Variants in WDFY3 observed in about 807,000 individuals in gnomAD.
WDFY3 encodes the protein WD repeat and FYVE domain-containing protein 3.
A neutral mutation model predicts 409.6 loss-of-function variants in WDFY3; 66 were observed. The ratio of observed to expected loss-of-function variants is 0.16; its 90% CI spans 0.13 to 0.20. The LOEUF (loss-of-function observed/expected upper bound fraction) is 0.20. Ranked by LOEUF, WDFY3 falls within the 10% of genes least tolerant of loss-of-function variation. The pLI is 1.00. For missense variants in WDFY3, 3,031 were observed against 4,298.1 expected, an observed-to-expected ratio of 0.71 and a Z score of 8.24; for synonymous variants, 1,521 against 1,537.1, an observed-to-expected ratio of 0.99 and a Z score of 0.25.
chr4:84,880,209 AG>A (rs1763303682), intron 3 of WDFY3, among the ~76,000 whole-genome samples: 1 of 152,160 alleles, frequency 6.6e-6, no homozygotes, highest in South Asian at 2.1e-4. Flanking sequence ...GAAAAAGGCA[AG>A]GAACAGATTC....
intron 2 of WDFY3, among the ~76,000 whole-genome samples, chr4:84,921,843 G>C (rs760447052): frequency 2.5e-4 from 38 of 151,262 alleles, no homozygotes; most frequent in South Asian, 4.2e-4. Context: ...TTTTAGCAGA[G>C]ACAAGGTTTC....
chr4:84,746,654 A>AG (rs996353091), intron 36 of WDFY3, among the ~76,000 whole-genome samples: 4 of 152,000 alleles, frequency 2.6e-5, no homozygotes, highest in African/African-American at 9.7e-5. Context: ...TGAGATGTAT[A>AG]GCAGTCTAAC....
intron 4 of WDFY3, among the ~76,000 whole-genome samples, chr4:84,855,506 T>C (rs1373082351): frequency 6.6e-6 from 1 of 152,218 alleles, no homozygotes; most frequent in Non-Finnish European, 1.5e-5. Context: ...AATGGTGTTA[T>C]CTAATGGCAT....
At chr4:84,914,129 T>C (rs907532302) in intron 2 of WDFY3, among the ~76,000 whole-genome samples, 4 of 152,010 alleles carry the variant, frequency 2.6e-5, no homozygotes, top group Admixed American at 2.0e-4. Flanking sequence ...CCTTCAACAG[T>C]AGGTTATTAG....
At chr4:84,793,101 A>G (rs540649686) in intron 21 of WDFY3, among the ~76,000 whole-genome samples, 84 of 152,316 alleles carry the variant, frequency 5.5e-4, no homozygotes, top group African/African-American at 1.9e-3. Flanking sequence ...GGTATTTTCA[A>G]GTTGACTCAG....
Position 84,690,577 on chromosome 4 carries a change from T to C in WDFY3, c.9292A>G (p.Thr3098Ala), listed in dbSNP as rs367925996. The C allele has an allele frequency of 7.4e-6, 12 of 1,614,052 alleles. No homozygotes were observed. Among genetic ancestry groups the C allele is most frequent in the Non-Finnish European group, 1.0e-5 (12 of 1,180,024 alleles). Reference sequence around the variant, plus strand: ...TCCCACACACACACAACCGTGCTTGTTCCACCCGTGATGACCAGCTTGGGG... The same window carrying C: ...TCCCACACACACACAACCGTGCTTGCTCCACCCGTGATGACCAGCTTGGGG... The part of the protein sequence containing the change: ...PNPKLVITGG[T>A]STVVCVWEMG... Residue 3098 changes from threonine to alanine, a missense_variant, in exon 61 of 68, where the codon ACA (threonine) becomes GCA (alanine). Coordinates refer to ENST00000295888, the MANE Select transcript of WDFY3 (RefSeq NM_014991.6).
chr4:84,912,409 T>C (rs1376923110), intron 2 of WDFY3, among the ~76,000 whole-genome samples: 1 of 152,232 alleles, frequency 6.6e-6, no homozygotes, highest in Non-Finnish European at 1.5e-5. Flanking sequence ...AATACTTTTT[T>C]ATCTCATAAT....
In WDFY3 at chr4:84,794,898, C is replaced by A; in HGVS notation, c.3249G>T (p.Val1083=). The A allele has an allele frequency of 6.3e-7, 1 of 1,580,690 alleles. No homozygotes were observed. The highest frequency in any genetic ancestry group is 8.6e-7 in the Non-Finnish European group (1 of 1,168,938). ...TVTTGLIDGA[V]VSGIGSGERF... ...ACTTACCAGAACCAATGCCACTGAC[C>A]ACAGCCCCATCAATAAGACCTGTTG... Residue 1083 remains valine (V), a synonymous_variant, in exon 20 of 68, where the codon GTG becomes GTT. Coordinates refer to ENST00000295888, the MANE Select transcript of WDFY3 (RefSeq NM_014991.6).
chr4:84,704,661 C>T (rs1221762202), intron 54 of WDFY3, among the ~76,000 whole-genome samples: 1 of 152,104 alleles, frequency 6.6e-6, no homozygotes, highest in Middle Eastern at 3.2e-3. Context: ...ATGGCCTATT[C>T]CCACAAACTT....
chr4:84,716,669 G>A (rs1733992187), intron 49 of WDFY3, among the ~76,000 whole-genome samples: 1 of 151,334 alleles, frequency 6.6e-6, no homozygotes, highest in Non-Finnish European at 1.5e-5. Context: ...CGTGGTGGCG[G>A]GCGCCTATAG....
chr4:84,903,345 C>T (rs1285573064), intron 2 of WDFY3, among the ~76,000 whole-genome samples: 6 of 152,028 alleles, frequency 3.9e-5, no homozygotes, highest in African/African-American at 7.3e-5. Flanking sequence ...GAGTTTGTTG[C>T]TTCTCACTCT....
intron 29 of WDFY3, among the ~76,000 whole-genome samples, chr4:84,773,529 C>G (rs780770905): frequency 2.6e-5 from 4 of 151,974 alleles, no homozygotes; most frequent in Non-Finnish European, 5.9e-5. Context: ...AATTACGTGA[C>G]CTGGGGCTTT....
chr4:84,743,361 T>C (rs754997496), intron 37 of WDFY3, among the ~76,000 whole-genome samples: 5 of 152,188 alleles, frequency 3.3e-5, no homozygotes, highest in South Asian at 2.1e-4. Context: ...ATTCCACTCA[T>C]AGGTATATAC....
chr4:84,847,623 A>C (rs962575252), intron 5 of WDFY3, among the ~76,000 whole-genome samples: 1 of 148,966 alleles, frequency 6.7e-6, no homozygotes, highest in Non-Finnish European at 1.5e-5. Context: ...AAAAAAAAAA[A>C]ATTAGCCGGG....
chr4:84,827,000 G>A lies in WDFY3; in HGVS notation c.957-19C>T, dbSNP rs757250893. 1 of 1,592,178 alleles carries A rather than the reference G, an allele frequency of 6.3e-7. No homozygotes were observed. Among genetic ancestry groups the A allele is most frequent in the Admixed American group, 1.9e-5 (1 of 52,732 alleles). On this transcript the variant is annotated intron_variant, in intron 9 of 67. Transcript: ENST00000295888. Reference sequence around the variant, plus strand: ...TTCCAATCTAGAAAAGTATGATTTAGAAAGTATTTTTTTTCTCTTTGGTTG... The same window carrying A: ...TTCCAATCTAGAAAAGTATGATTTAAAAAGTATTTTTTTTCTCTTTGGTTG...
intron 3 of WDFY3, among the ~76,000 whole-genome samples, chr4:84,864,462 T>C (rs191343346): frequency 4.1e-4 from 62 of 151,990 alleles, no homozygotes; most frequent in African/African-American, 1.5e-3. Context: ...AGTACGAACA[T>C]TGTAACAACA....
intron 23 of WDFY3, 74 bp downstream of exon 23, chr4:84,787,408 C>G (rs1286197417): frequency 1.4e-6 from 2 of 1,406,126 alleles, no homozygotes; most frequent in African/African-American, 2.8e-5. Context: ...TGTATAACCT[C>G]AGACACACAC....
chr4:84,761,535 G>GA (rs1742595260), intron 32 of WDFY3, among the ~76,000 whole-genome samples: 1 of 152,082 alleles, frequency 6.6e-6, no homozygotes, highest in African/African-American at 2.4e-5. Flanking sequence ...TCTTCTTGTT[G>GA]AATTGATCCC....
chr4:84,744,591 C>T (rs1418321961), intron 36 of WDFY3, among the ~76,000 whole-genome samples: 1 of 151,980 alleles, frequency 6.6e-6, no homozygotes, highest in African/African-American at 2.4e-5. Flanking sequence ...CGGTGGCTCA[C>T]GCCTGTAATC....
Sources: allele counts gnomAD v4.1 joint callset (sites outside exome capture counted in the v4.1 genomes callset), GRCh38; gene constraint gnomAD v4.1.1; transcripts MANE v1.5; gene names NCBI Gene and HGNC (gene_info 2026-07-23, HGNC 2026-07-21).